The following PDE11A variants were observed in gnomAD, a reference collection of about 807,000 sequenced individuals.
PDE11A encodes the protein dual 3',5'-cyclic-AMP and -GMP phosphodiesterase 11A.
Under a neutral mutation model 100.5 loss-of-function variants are expected in PDE11A, and 100 were observed. The observed-to-expected ratio is 1.00, with a 90% CI of 0.85 to 1.18. The LOEUF is 1.18. Ranked by LOEUF, PDE11A falls within the 50% of genes most tolerant of loss-of-function variation. PDE11A has a pLI of 0.00. For synonymous variants in PDE11A, 381 were observed against 420.8 expected (o/e 0.91, Z 1.16); for missense variants, 1,141 against 1,152.6 (o/e 0.99, Z 0.15).
intron 4 of PDE11A, among the ~76,000 whole-genome samples, chr2:177,888,209 G>A (rs905207943): frequency 4.6e-5 from 7 of 152,102 alleles, no homozygotes; most frequent in Non-Finnish European, 1.0e-4. Context: ...TTTTAAAGGG[G>A]AACAACACTG....
chr2:178,059,275 T>TA (rs2086937578), intron 1 of PDE11A, among the ~76,000 whole-genome samples: 1 of 152,158 alleles, frequency 6.6e-6, no homozygotes, highest in Admixed American at 6.5e-5. Context: ...GGTATGGGTA[T>TA]GGGGAGAGTC....
chr2:178,040,525 C>T (rs1005822360), intron 1 of PDE11A, among the ~76,000 whole-genome samples: 1 of 152,082 alleles, frequency 6.6e-6, no homozygotes, highest in Non-Finnish European at 1.5e-5. Context: ...TTGTCCTTTC[C>T]GATATGTTCA....
intron 2 of PDE11A, among the ~76,000 whole-genome samples, chr2:177,943,081 G>T (rs1474657764): frequency 1.3e-5 from 2 of 152,130 alleles, no homozygotes; most frequent in African/African-American, 4.8e-5. Flanking sequence ...ATATTCCATT[G>T]TAGGTGTACA....
At chr2:177,834,994 T>G (rs1460691732) in intron 6 of PDE11A, among the ~76,000 whole-genome samples, 1 of 152,098 alleles carries the variant, frequency 6.6e-6, no homozygotes, top group Non-Finnish European at 1.5e-5. Flanking sequence ...AGCCAGCTGC[T>G]GGCTGCAGTC....
intron 2 of PDE11A, among the ~76,000 whole-genome samples, chr2:177,908,701 C>A: frequency 6.6e-6 from 1 of 152,118 alleles, no homozygotes; most frequent in East Asian, 1.9e-4. Flanking sequence ...GGACCAGGAA[C>A]CAGGCTGTGT....
chr2:178,074,926 G>A (rs2087188455), upstream of PDE11A, among the ~76,000 whole-genome samples: 1 of 152,176 alleles, frequency 6.6e-6, no homozygotes, highest in African/African-American at 2.4e-5. Context: ...GGCTGTAATG[G>A]AGGGCTGATA....
At chr2:177,669,215 G>C (rs1250133169) in intron 18 of PDE11A, among the ~76,000 whole-genome samples, 1 of 152,146 alleles carries the variant, frequency 6.6e-6, no homozygotes. Context: ...CCAGCACTGG[G>C]CTTTGAATTA....
chr2:177,788,385 A>T (rs996506141), intron 9 of PDE11A, among the ~76,000 whole-genome samples: 1 of 149,682 alleles, frequency 6.7e-6, no homozygotes, highest in African/African-American at 2.5e-5. Flanking sequence ...ACGCATTCAA[A>T]GCAGTGTGTA....
At chr2:177,664,144 A>T (rs534280417) in intron 18 of PDE11A, among the ~76,000 whole-genome samples, 195 bp from the exon 19 acceptor site, 1 of 152,230 alleles carries the variant, frequency 6.6e-6, no homozygotes, top group South Asian at 2.1e-4. Flanking sequence ...TTTTTATGAG[A>T]TTTGTAAGCA....
chr2:177,624,383 G>A lies in PDE11A; in HGVS notation c.*5024C>T, dbSNP rs1204778848. 1.3e-5 allele frequency: 2 copies of A among 150,644 alleles called. No individual in the cohort carries two copies. The highest frequency in any genetic ancestry group is 4.9e-5 in the African/African-American group (2 of 40,972). The allele number at this position is 150,644 out of a possible 1,614,324, so 9.3% of individuals were successfully genotyped here. On this transcript the variant is annotated 3_prime_UTR_variant, in exon 20 of 20. Transcript: ENST00000286063. Reference sequence around the variant, plus strand: ...ATTACTGGAGATGAAACTGGTTTTTGTCTTTCTGCAATTTCTAAGAGTCAG... The same window carrying A: ...ATTACTGGAGATGAAACTGGTTTTTATCTTTCTGCAATTTCTAAGAGTCAG...
At chr2:177,631,512 AATATATATATATATATATATATAT>A (rs1180694998) in intron 19 of PDE11A, among the ~76,000 whole-genome samples, 2 of 10,782 alleles carry the variant, frequency 1.9e-4, no homozygotes, top group South Asian at 5.9e-3. Context: ...AAAAAAAAAA[AATATATATATATATATATATATAT>A]ATATATATAT....
At chr2:177,934,345 A>G (rs2085246983) in intron 2 of PDE11A, among the ~76,000 whole-genome samples, 1 of 152,234 alleles carries the variant, frequency 6.6e-6, no homozygotes, top group Non-Finnish European at 1.5e-5. Flanking sequence ...GACACTTCTC[A>G]GAAGAAGACA....
chr2:178,061,632 C>T (rs1389316033), intron 1 of PDE11A, among the ~76,000 whole-genome samples: 7 of 152,126 alleles, frequency 4.6e-5, no homozygotes, highest in African/African-American at 1.7e-4. Context: ...GGCTCGGAAG[C>T]AAAGTTTGAC....
intron 5 of PDE11A, among the ~76,000 whole-genome samples, chr2:177,843,527 A>C (rs1416274936): frequency 2.0e-5 from 3 of 152,216 alleles, no homozygotes; most frequent in Admixed American, 6.5e-5. Flanking sequence ...AGAAGATACG[A>C]TGACAAAAAC....
intron 2 of PDE11A, among the ~76,000 whole-genome samples, chr2:177,968,729 C>G (rs1206281974): frequency 6.6e-6 from 1 of 152,208 alleles, no homozygotes; most frequent in African/African-American, 2.4e-5. Context: ...TACCATCTCA[C>G]ACCATTTAGA....
chr2:177,839,659 T>C (rs1440786529), intron 6 of PDE11A, among the ~76,000 whole-genome samples: 4 of 152,140 alleles, frequency 2.6e-5, no homozygotes, highest in Non-Finnish European at 5.9e-5. Context: ...CCTCCTACTC[T>C]TCAGACTTCA....
chr2:177,790,390 A>C (rs1246961879), intron 9 of PDE11A, among the ~76,000 whole-genome samples: 2 of 151,670 alleles, frequency 1.3e-5, no homozygotes, highest in South Asian at 4.2e-4. Context: ...AAATTAATTC[A>C]AGATGGATTA....
intron 2 of PDE11A, among the ~76,000 whole-genome samples, chr2:177,911,048 A>G (rs1305902233): frequency 2.0e-5 from 3 of 152,166 alleles, no homozygotes; most frequent in Admixed American, 2.0e-4. Context: ...CCTACAGATA[A>G]CACCTCCTCC....
At chr2:178,021,886 G>C (rs1354500748) in intron 1 of PDE11A, among the ~76,000 whole-genome samples, 1 of 152,180 alleles carries the variant, frequency 6.6e-6, no homozygotes, top group Non-Finnish European at 1.5e-5. Context: ...TTAATTTGAG[G>C]AATAGAAAGA....
Sources: gnomAD v4.1 joint callset for allele counts (sites outside exome capture counted in the v4.1 genomes callset) on GRCh38, gnomAD v4.1.1 for gene constraint, MANE v1.5 for transcripts, NCBI Gene and HGNC (gene_info 2026-07-23, HGNC 2026-07-21) for gene names.